The following GRID1 variants were observed in gnomAD, a reference collection of about 807,000 sequenced individuals.
GRID1 encodes the protein glutamate ionotropic receptor delta type subunit 1, also known as glutamate receptor ionotropic, delta-1.
GRID1 carries 28 observed loss-of-function variants against 98.0 expected under a neutral mutation model. The ratio of observed to expected loss-of-function variants is 0.29; its 90% CI spans 0.21 to 0.39. The LOEUF is 0.39. Ranked by LOEUF, GRID1 falls within the 10% of genes least tolerant of loss-of-function variation. The probability of loss-of-function intolerance (pLI) is 1.00; values close to 1 mark genes in which losing one functional copy is unlikely to be tolerated. For missense variants in GRID1, 1,111 were observed against 1,340.5 expected, an observed-to-expected ratio of 0.83 and a Z score of 2.67; for synonymous variants, 553 against 538.5, an observed-to-expected ratio of 1.03 and a Z score of -0.37.
At chr10:86,070,086 C>A (rs1452338533) in intron 4 of GRID1, among the ~76,000 whole-genome samples, 1 of 152,180 alleles carries the variant, frequency 6.6e-6, no homozygotes, top group Non-Finnish European at 1.5e-5. Flanking sequence ...GTTTGAGAGA[C>A]CATCTCTCAG....
In GRID1 at chr10:85,723,415, G is replaced by A. The variant is rs181857187; in HGVS notation, c.1859-274C>T. On this transcript the variant is annotated intron_variant, in intron 11 of 15. Transcript: ENST00000327946. ...AAGGTTGTCAAAACACCAAGGGTTG[G>A]GGTCTGAATATCAAAATCTTTCAGT... 1.4e-4 allele frequency among the ~76,000 whole-genome samples: 21 copies of A among 152,318 alleles called. No homozygotes were observed. The East Asian group carries it at 3.9e-3, about 28-fold the overall frequency.
At chr10:85,673,242 A>G (rs531252643) in intron 12 of GRID1, among the ~76,000 whole-genome samples, 1 of 152,360 alleles carries the variant, frequency 6.6e-6, no homozygotes, top group Non-Finnish European at 1.5e-5. Context: ...AGATGAGCAA[A>G]GAAAGTGGCT....
chr10:85,998,241 C>G (rs1339391621), intron 4 of GRID1, among the ~76,000 whole-genome samples: 1 of 152,068 alleles, frequency 6.6e-6, no homozygotes, highest in African/African-American at 2.4e-5. Context: ...AAGTCCATAT[C>G]CTGTGTCATA....
In GRID1 at chr10:86,007,370, T is replaced by C. The variant is rs147536880; in HGVS notation, c.727-91131A>G. On this transcript the variant is annotated intron_variant, in intron 4 of 15. Transcript: ENST00000327946. ...TCCAAGTCTGAGGTCAGAAGGGTCA[T>C]GGGAGGCAGTGGTCGCAGCACCGCT... Among the ~76,000 whole-genome samples, 518 of 152,268 alleles carry C rather than the reference T, an allele frequency of 3.4e-3. 4 individuals carry two copies. The highest frequency in any genetic ancestry group is 0.014 in the Middle Eastern group (4 of 294).
intron 2 of GRID1, among the ~76,000 whole-genome samples, chr10:86,281,167 A>G (rs1487616187): frequency 6.6e-6 from 1 of 152,232 alleles, no homozygotes; most frequent in Non-Finnish European, 1.5e-5. Context: ...AACCATTGGT[A>G]AGTGTTGGAA....
chr10:85,654,409 T>TA (rs1233727851), intron 12 of GRID1, among the ~76,000 whole-genome samples: 2 of 152,238 alleles, frequency 1.3e-5, no homozygotes, highest in Non-Finnish European at 2.9e-5. Flanking sequence ...TTCCACTTCT[T>TA]ACAAACACAT....
chr10:86,064,997 C>T (rs1843698885), intron 4 of GRID1, among the ~76,000 whole-genome samples: 1 of 152,192 alleles, frequency 6.6e-6, no homozygotes, highest in Non-Finnish European at 1.5e-5. Context: ...TAGTAACGCT[C>T]ATCCCACATT....
chr10:86,191,623 T>C (rs1020647767), intron 3 of GRID1, among the ~76,000 whole-genome samples: 3 of 152,044 alleles, frequency 2.0e-5, no homozygotes, highest in Non-Finnish European at 2.9e-5. Context: ...CTGCTTCCAG[T>C]GTCTCTGGCC....
chr10:86,264,548 G>A, intron 2 of GRID1: 1 of 428,818 alleles, frequency 2.3e-6, no homozygotes, highest in South Asian at 1.7e-5. Flanking sequence ...CCCAGAGGCT[G>A]GCCACTCCAC....
intron 2 of GRID1, among the ~76,000 whole-genome samples, chr10:86,275,423 G>T (rs1237468349): frequency 2.0e-5 from 3 of 151,916 alleles, no homozygotes; most frequent in Admixed American, 6.6e-5. Flanking sequence ...CACAAACCAT[G>T]CCTAAGGAAG....
rs764190381 is a variant in GRID1, at chr10:85,724,459, T to C, written c.1751A>G (p.Asn584Ser). ...PVVGVLIFVL[N>S]RIQAVRAQSA... The stretch of plus-strand genomic sequence containing the variant: ...CTGAGCCCTCACAGCCTGTATCCTG[T>C]TCAACACAAATATCAGCACACCAAC... The change falls in exon 11 of 16, where the codon AAC becomes AGC. Residue 584 changes from asparagine (N) to serine (S), a missense_variant. Coordinates refer to ENST00000327946, the MANE Select transcript of GRID1 (RefSeq NM_017551.3). 9.9e-6 allele frequency: 16 copies of C among 1,613,980 alleles called. No individual in the cohort carries two copies. Among genetic ancestry groups the C allele is most frequent in the Non-Finnish European group, 1.3e-5 (15 of 1,180,020 alleles).
chr10:85,693,551 A>G (rs1394892662), intron 12 of GRID1, among the ~76,000 whole-genome samples: 1 of 139,630 alleles, frequency 7.2e-6, no homozygotes, highest in Admixed American at 6.8e-5. Context: ...AGGCTATAGT[A>G]AAAAAAAACA....
intron 8 of GRID1, among the ~76,000 whole-genome samples, chr10:85,746,114 A>G (rs1023180916): frequency 3.3e-5 from 5 of 152,190 alleles, no homozygotes; most frequent in Admixed American, 3.3e-4. Context: ...AGGGAGTTAT[A>G]TCATTTGTCT....
chr10:85,915,696 T>A (rs1273068019), intron 5 of GRID1, among the ~76,000 whole-genome samples: 1 of 151,826 alleles, frequency 6.6e-6, no homozygotes, highest in African/African-American at 2.4e-5. Flanking sequence ...ACTCACATCA[T>A]AAACACAGAC....
At chr10:86,343,207 T>G (rs970864238) in intron 2 of GRID1, among the ~76,000 whole-genome samples, 5 of 152,224 alleles carry the variant, frequency 3.3e-5, no homozygotes, top group Non-Finnish European at 7.3e-5. Context: ...CTCCCAGTTC[T>G]CATCTTAAGC....
At chr10:85,955,392 A>C (rs1258086679) in intron 4 of GRID1, among the ~76,000 whole-genome samples, 1 of 152,144 alleles carries the variant, frequency 6.6e-6, no homozygotes, top group Non-Finnish European at 1.5e-5. Flanking sequence ...TGGAAGTGCC[A>C]AGAACCTGGA....
At chr10:86,244,934 T>A (rs962211557) in intron 2 of GRID1, among the ~76,000 whole-genome samples, 9 of 152,244 alleles carry the variant, frequency 5.9e-5, no homozygotes, top group Admixed American at 4.6e-4. Context: ...AAAGATTTTT[T>A]CCCCTCCATT....
intron 3 of GRID1, among the ~76,000 whole-genome samples, chr10:86,204,875 G>T (rs538432809): frequency 6.6e-6 from 1 of 152,028 alleles, no homozygotes; most frequent in African/African-American, 2.4e-5. Context: ...CTTTGGGGTT[G>T]AGCCACCAGC....
At chr10:85,984,014 T>C (rs928285446) in intron 4 of GRID1, among the ~76,000 whole-genome samples, 1 of 152,104 alleles carries the variant, frequency 6.6e-6, no homozygotes, top group African/African-American at 2.4e-5. Context: ...CACGTGAGTG[T>C]CAGCCTGTCT....
Sources: gnomAD v4.1 joint callset for allele counts (sites outside exome capture counted in the v4.1 genomes callset) on GRCh38, gnomAD v4.1.1 for gene constraint, MANE v1.5 for transcripts, NCBI Gene and HGNC (gene_info 2026-07-23, HGNC 2026-07-21) for gene names.